Variants in ANKS1B observed in about 807,000 individuals in gnomAD.
The protein encoded by ANKS1B is ankyrin repeat and sterile alpha motif domain containing 1B, also known as ankyrin repeat and sterile alpha motif domain-containing protein 1B.
ANKS1B carries 36 observed loss-of-function variants against 148.3 expected under a neutral mutation model. The ratio of observed to expected loss-of-function variants is 0.24; its 90% CI spans 0.19 to 0.32. The LOEUF (loss-of-function observed/expected upper bound fraction) is 0.32, where lower values mean the gene tolerates loss of function less well. Among genes scored for constraint, ANKS1B ranks in the 10% least tolerant of loss-of-function variants. The pLI, the probability that ANKS1B is intolerant of heterozygous loss-of-function variation, is 1.00. For synonymous variants in ANKS1B, 542 were observed against 560.8 expected (o/e 0.97, Z 0.47); for missense variants, 1,157 against 1,542.6 (o/e 0.75, Z 4.19).
At chr12:99,690,357 ACAGTAC>A (rs1400869045) in intron 8 of ANKS1B, among the ~76,000 whole-genome samples, 1 of 152,132 alleles carries the variant, frequency 6.6e-6, no homozygotes, top group East Asian at 1.9e-4. Context: ...TGCCTTCCCA[ACAGTAC>A]CCTAAAGTCT....
rs1032131385 is a variant in ANKS1B, at chr12:99,124,050, A to C, written c.2526+30239T>G. 6.6e-5 allele frequency among the ~76,000 whole-genome samples: 10 copies of C among 152,178 alleles called. No homozygotes were observed. The East Asian group carries it at 1.2e-3, about 18-fold the overall frequency. ...AGGGTCTTGGAAACCACTGTAAGGG[A>C]TTTTAGATTTTATTCTGAGTGAGAC... On this transcript the variant is annotated intron_variant, in intron 15 of 26. Coordinates refer to ENST00000683438, the MANE Select transcript of ANKS1B (RefSeq NM_001352186.2).
At chr12:99,452,189 A>G (rs1363673158) in intron 10 of ANKS1B, among the ~76,000 whole-genome samples, 1 of 152,016 alleles carries the variant, frequency 6.6e-6, no homozygotes, top group Non-Finnish European at 1.5e-5. Context: ...ATATAAGCAA[A>G]TGGGTGTGTC....
chr12:99,464,386 T>C (rs1292055238), intron 10 of ANKS1B, among the ~76,000 whole-genome samples: 1 of 152,020 alleles, frequency 6.6e-6, no homozygotes, highest in Non-Finnish European at 1.5e-5. Context: ...GCAGAGCACC[T>C]CTCCTCCTCC....
At position 99,425,466 on chromosome 12, in the gene ANKS1B, T is replaced by C. The variant is rs139938264; in HGVS notation, c.1575+18207A>G. Among the ~76,000 whole-genome samples, 63 of 152,080 alleles carry C rather than the reference T, an allele frequency of 4.1e-4. 1 individual carries two copies. In the East Asian group the frequency reaches 9.1e-3, roughly 22 times the overall value. On this transcript the variant is annotated intron_variant, in intron 11 of 26. Transcript: ENST00000683438. ...AGACAAGAAAGTACTAGACGAAAAG[T>C]AGTATGTTTTTCAAGATTCTTGATT...
chr12:99,209,191 T>C (rs971774780), intron 14 of ANKS1B, among the ~76,000 whole-genome samples: 5 of 152,198 alleles, frequency 3.3e-5, no homozygotes, highest in African/African-American at 4.8e-5. Context: ...TGAGATTCCT[T>C]ATTAAAGGTT....
intron 12 of ANKS1B, among the ~76,000 whole-genome samples, chr12:99,317,350 T>C (rs1024797487): frequency 2.6e-5 from 4 of 152,192 alleles, no homozygotes; most frequent in Non-Finnish European, 2.9e-5. Flanking sequence ...TGAGCAGTGG[T>C]TTGTAGTTCT....
intron 25 of ANKS1B, among the ~76,000 whole-genome samples, chr12:98,766,784 G>T (rs954279348): frequency 6.6e-6 from 1 of 152,058 alleles, no homozygotes; most frequent in East Asian, 1.9e-4. Flanking sequence ...AGTAATCTCG[G>T]CATTTAAAAA....
intron 8 of ANKS1B, among the ~76,000 whole-genome samples, chr12:99,685,568 C>T (rs1399580702): frequency 6.6e-6 from 1 of 152,148 alleles, no homozygotes. Flanking sequence ...ATCCAGCAAT[C>T]CCACTTCTGG....
chr12:99,258,455 A>T (rs2075548523), intron 12 of ANKS1B, among the ~76,000 whole-genome samples: 1 of 152,084 alleles, frequency 6.6e-6, no homozygotes, highest in Non-Finnish European at 1.5e-5. Context: ...CAAAATAATC[A>T]TAGAGTGTGT....
Position 99,771,551 on chromosome 12 carries a change from T to C in ANKS1B, c.1128+1371A>G, listed in dbSNP as rs376200972. ...GAAATATTAAAATGTAACTGATTGG[T>C]AACCTGGAGACAGCATACACCTATT... On this transcript the variant is annotated intron_variant, in intron 8 of 26. Coordinates refer to ENST00000683438, the MANE Select transcript of ANKS1B (RefSeq NM_001352186.2). Among the ~76,000 whole-genome samples, 38 of 152,224 alleles carry C rather than the reference T, an allele frequency of 2.5e-4. 2 individuals carry two copies. Among genetic ancestry groups the C allele is most frequent in the Middle Eastern group, 3.4e-3 (1 of 294 alleles).
At chr12:99,852,214 A>G (rs951820607) in intron 1 of ANKS1B, among the ~76,000 whole-genome samples, 1 of 152,202 alleles carries the variant, frequency 6.6e-6, no homozygotes, top group South Asian at 2.1e-4. Context: ...ATTTTAGCTG[A>G]ATAAAGGGTA....
Position 98,829,250 on chromosome 12 carries a change from C to T in ANKS1B, c.2990G>A (p.Gly997Asp). ...TTCATTTCTTCTCCTCCTTGCATCGCCCTGCATGATAATGTGAGGAACGTC... is the reference window on the plus strand; with the variant it reads ...TTCATTTCTTCTCCTCCTTGCATCGTCCTGCATGATAATGTGAGGAACGTC... ...SLDVPHIIMQ[G>D]DARRRRNENY... is the part of the protein sequence containing the mutation. The change falls in exon 19 of 27, where the codon GGC becomes GAC. Residue 997 changes from glycine (G) to aspartate (D), a missense_variant. Transcript: ENST00000683438. The surrounding 1 kb of genome is among the most constrained non-coding windows in gnomAD (Gnocchi z 5.2). 1 of 1,613,998 alleles carries T rather than the reference C, an allele frequency of 6.2e-7. No homozygotes were observed. Among genetic ancestry groups the T allele is most frequent in the Non-Finnish European group, 8.5e-7 (1 of 1,179,868 alleles).
chr12:98,858,757 G>A (rs1322285189), intron 17 of ANKS1B, among the ~76,000 whole-genome samples: 1 of 152,142 alleles, frequency 6.6e-6, no homozygotes, highest in Non-Finnish European at 1.5e-5. Flanking sequence ...AGGAGCCATG[G>A]AGCAGGGATA....
intron 1 of ANKS1B, among the ~76,000 whole-genome samples, chr12:99,944,842 G>A (rs1473861762): frequency 6.6e-6 from 1 of 152,086 alleles, no homozygotes. Flanking sequence ...GGAAAAACTG[G>A]AGACATAGAT....
At chr12:99,002,617 T>C (rs60574054) in intron 17 of ANKS1B, among the ~76,000 whole-genome samples, 2,059 of 152,254 alleles carry the variant, frequency 0.014, 44 homozygotes, top group African/African-American at 0.047. Context: ...TTCACATTCA[T>C]GTTGGCCATT....
intron 12 of ANKS1B, among the ~76,000 whole-genome samples, chr12:99,260,412 G>A (rs1365820224): frequency 2.0e-5 from 3 of 152,136 alleles, no homozygotes; most frequent in Non-Finnish European, 4.4e-5. Context: ...TGTATCCTGT[G>A]AGTTTTCTAT....
At chr12:99,565,172 TTATAAA>T (rs2097375393) in intron 9 of ANKS1B, among the ~76,000 whole-genome samples, 1 of 152,184 alleles carries the variant, frequency 6.6e-6, no homozygotes, top group Admixed American at 6.6e-5. Flanking sequence ...TCACAAATAA[TTATAAA>T]TATTTAGTAA....
chr12:99,517,506 T>G (rs1185623523), intron 9 of ANKS1B, among the ~76,000 whole-genome samples: 1 of 149,818 alleles, frequency 6.7e-6, no homozygotes, highest in African/African-American at 2.5e-5. Context: ...TCATCTGAGG[T>G]AAGGAGTTCG....
chr12:98,807,843 C>T lies in ANKS1B; in HGVS notation c.3141+1G>A, dbSNP rs766075146. The T allele has an allele frequency of 1.2e-6, 2 of 1,612,830 alleles. No homozygotes were observed. The highest frequency in any genetic ancestry group is 1.7e-6 in the Non-Finnish European group (2 of 1,179,338). ...AAGAAAAGAACCATTTGTAACCTTA[C>T]ATTATGAACCTGATGGATCGCTGAG... On this transcript the variant is annotated splice_donor_variant, in intron 20 of 26. Transcript: ENST00000683438. LOFTEE classifies it high-confidence loss of function.
Sources: allele counts gnomAD v4.1 joint callset (sites outside exome capture counted in the v4.1 genomes callset), GRCh38; gene constraint gnomAD v4.1.1; non-coding constraint Gnocchi (gnomAD v3.1); transcripts MANE v1.5; gene names NCBI Gene and HGNC (gene_info 2026-07-23, HGNC 2026-07-21).